Variants in TMED10 observed in about 807,000 individuals in gnomAD.
TMED10 encodes the protein transmembrane emp24 domain-containing protein 10.
A neutral mutation model predicts 23.1 loss-of-function variants in TMED10; 7 were observed. The observed-to-expected ratio is 0.30, with a 90% confidence interval of 0.17 to 0.57. The LOEUF is 0.57. TMED10 is among the 20% of genes least tolerant of loss of function. The probability of loss-of-function intolerance (pLI) is 0.91; values close to 1 mark genes in which losing one functional copy is unlikely to be tolerated. For synonymous variants in TMED10, 113 were observed against 106.9 expected (o/e 1.06, Z -0.35); for missense variants, 162 against 274.8 (o/e 0.59, Z 2.90).
intron 1 of TMED10, among the ~76,000 whole-genome samples, chr14:75,172,583 C>T (rs950004696): frequency 6.6e-6 from 1 of 152,150 alleles, no homozygotes; most frequent in Admixed American, 6.6e-5. Flanking sequence ...GCTGGGATTA[C>T]AGGCATGAGC....
At chr14:75,163,675 G>C in intron 1 of TMED10, among the ~76,000 whole-genome samples, 1 of 151,856 alleles carries the variant, frequency 6.6e-6, no homozygotes, top group Non-Finnish European at 1.5e-5. Context: ...TTTCTGGTCC[G>C]TGCTCAAATC....
At chr14:75,158,408 G>C (rs561796359) in intron 1 of TMED10, among the ~76,000 whole-genome samples, 1 of 152,076 alleles carries the variant, frequency 6.6e-6, no homozygotes, top group Non-Finnish European at 1.5e-5. Flanking sequence ...GCTTACTGCA[G>C]CCTCAACCTC....
intron 3 of TMED10, among the ~76,000 whole-genome samples, chr14:75,143,565 C>G (rs1257137906): frequency 6.6e-6 from 1 of 152,154 alleles, no homozygotes; most frequent in East Asian, 1.9e-4. Flanking sequence ...TGCCTCCATG[C>G]CTCCCACCAC....
Position 75,155,700 on chromosome 14 carries a change from G to T in TMED10, c.226-3557C>A, listed in dbSNP as rs368111558. Among the ~76,000 whole-genome samples the T allele has an allele frequency of 4.6e-5, 7 of 152,264 alleles. No homozygotes were observed. The East Asian group carries it at 7.7e-4, about 17-fold the overall frequency. On this transcript the variant is annotated intron_variant, in intron 1 of 4. Coordinates refer to ENST00000303575, the MANE Select transcript of TMED10 (RefSeq NM_006827.6). Reference sequence around the variant, plus strand: ...GAGGGTCAGGGAGTGTATCTAGGAGGGGGTAGCACATGAGCTGAGTCCTAA... The same window carrying T: ...GAGGGTCAGGGAGTGTATCTAGGAGTGGGTAGCACATGAGCTGAGTCCTAA...
intron 3 of TMED10, among the ~76,000 whole-genome samples, chr14:75,144,426 AAAC>A (rs1182326925): frequency 1.3e-5 from 2 of 152,264 alleles, no homozygotes; most frequent in Admixed American, 6.5e-5. Flanking sequence ...TAAAGAATTC[AAAC>A]AACAAGACTT....
intron 2 of TMED10, 90 bp downstream of exon 2, chr14:75,151,942 A>G: frequency 8.9e-7 from 1 of 1,124,956 alleles, no homozygotes; most frequent in Non-Finnish European, 1.3e-6. Context: ...AAAGAATACA[A>G]ATGAAACTAG....
intron 3 of TMED10, among the ~76,000 whole-genome samples, chr14:75,139,614 A>T (rs1452042833): frequency 6.8e-6 from 1 of 147,502 alleles, no homozygotes; most frequent in Non-Finnish European, 1.5e-5. Flanking sequence ...CCATCCTGGG[A>T]GACAAACTGA....
At chr14:75,147,629 C>A (rs1486635817) in intron 3 of TMED10, 35 bp downstream of exon 3, 1 of 1,610,372 alleles carries the variant, frequency 6.2e-7, no homozygotes, top group South Asian at 1.1e-5. Flanking sequence ...GCATAGCACA[C>A]TGCTGCCTCC....
At chr14:75,171,970 T>C (rs1051961684) in intron 1 of TMED10, among the ~76,000 whole-genome samples, 5 of 151,898 alleles carry the variant, frequency 3.3e-5, no homozygotes, top group East Asian at 1.9e-4. Context: ...GAGGGGTACA[T>C]GTGCAGAACG....
intron 1 of TMED10, among the ~76,000 whole-genome samples, chr14:75,154,808 C>T (rs1244241658): frequency 6.6e-6 from 1 of 151,974 alleles, no homozygotes; most frequent in African/African-American, 2.4e-5. Context: ...GGATTACAGG[C>T]ACATGCCACC....
rs1017766481 is a variant in TMED10, at chr14:75,166,262, T to C, written c.225+10093A>G. 8.5e-5 allele frequency among the ~76,000 whole-genome samples: 13 copies of C among 152,160 alleles called. 1 individual carries two copies. The highest frequency in any genetic ancestry group is 7.2e-4 in the Admixed American group (11 of 15,268). Reference sequence around the variant, plus strand: ...GGAGCACAGGATAAAGCAGATGACATCAACCTCCCTCAAGTCGGAGACTTG... The same window carrying C: ...GGAGCACAGGATAAAGCAGATGACACCAACCTCCCTCAAGTCGGAGACTTG... On this transcript the variant is annotated intron_variant, in intron 1 of 4. Coordinates refer to ENST00000303575, the MANE Select transcript of TMED10 (RefSeq NM_006827.6).
chr14:75,146,954 T>C (rs1895891201), intron 3 of TMED10, among the ~76,000 whole-genome samples: 1 of 145,374 alleles, frequency 6.9e-6, no homozygotes. Flanking sequence ...TATACAACTG[T>C]TGGTCTTGGG....
At chr14:75,164,567 ATATATATATATTTTTTT>A (rs1566675261) in intron 1 of TMED10, among the ~76,000 whole-genome samples, 1 of 1,954 alleles carries the variant, frequency 5.1e-4, no homozygotes, top group Admixed American at 6.8e-3. Flanking sequence ...ATATATATAT[ATATATATATATTTTTTT>A]TTTTTTTTTT....
intron 3 of TMED10, among the ~76,000 whole-genome samples, chr14:75,138,832 T>TA (rs1895787031): frequency 6.7e-6 from 1 of 148,946 alleles, no homozygotes; most frequent in African/African-American, 2.5e-5. Context: ...TTTTTTTTTT[T>TA]ATTTTTGTTG....
At chr14:75,149,632 C>T (rs1287940825) in intron 2 of TMED10, among the ~76,000 whole-genome samples, 1 of 152,164 alleles carries the variant, frequency 6.6e-6, no homozygotes, top group Non-Finnish European at 1.5e-5. Flanking sequence ...GGAACTGGTT[C>T]AGACAATTCC....
chr14:75,167,174 T>G (rs1896175182), intron 1 of TMED10, among the ~76,000 whole-genome samples: 1 of 152,032 alleles, frequency 6.6e-6, no homozygotes, highest in South Asian at 2.1e-4. Flanking sequence ...TCTCCTGACC[T>G]CGTGATCCAC....
intron 1 of TMED10, among the ~76,000 whole-genome samples, chr14:75,167,943 C>T (rs901536342): frequency 2.0e-5 from 3 of 152,132 alleles, no homozygotes; most frequent in African/African-American, 7.2e-5. Flanking sequence ...ATACTTCCTG[C>T]TTCAATTATG....
At chr14:75,145,651 G>A (rs979277514) in intron 3 of TMED10, among the ~76,000 whole-genome samples, 1 of 152,160 alleles carries the variant, frequency 6.6e-6, no homozygotes, top group Non-Finnish European at 1.5e-5. Flanking sequence ...GCTGGGCGTG[G>A]TGATGGGTGC....
intron 1 of TMED10, among the ~76,000 whole-genome samples, chr14:75,155,613 G>A (rs1896011691): frequency 6.6e-6 from 1 of 152,136 alleles, no homozygotes; most frequent in African/African-American, 2.4e-5. Context: ...CAGAGAGAGA[G>A]CGCTTCACTG....
Sources: allele counts gnomAD v4.1 joint callset (sites outside exome capture counted in the v4.1 genomes callset), GRCh38; gene constraint gnomAD v4.1.1; transcripts MANE v1.5; gene names NCBI Gene and HGNC (gene_info 2026-07-23, HGNC 2026-07-21).